RNF13: variants seen among roughly 807,000 people sequenced by gnomAD.
The protein encoded by RNF13 is ring finger protein 13, also known as E3 ubiquitin-protein ligase RNF13.
RNF13 carries 19 observed loss-of-function variants against 37.7 expected under a neutral mutation model. That is an observed-to-expected ratio of 0.50 (90% CI 0.35 to 0.74). RNF13 has a LOEUF of 0.74. RNF13 is among the 30% of genes least tolerant of loss of function. The pLI is 0.01. For synonymous variants in RNF13, 144 were observed against 157.8 expected, an observed-to-expected ratio of 0.91 and a Z score of 0.65; for missense variants, 375 against 453.0, an observed-to-expected ratio of 0.83 and a Z score of 1.56.
Position 149,903,965 on chromosome 3 carries a change from G to GTCTGTCTA in RNF13, c.500+1807_500+1814dup, listed in dbSNP as rs1386327167. Among the ~76,000 whole-genome samples the GTCTGTCTA allele has an allele frequency of 1.5e-3, 229 of 151,290 alleles. 2 individuals carry two copies. The highest frequency in any genetic ancestry group is 2.3e-3 in the Non-Finnish European group (159 of 67,898). The stretch of plus-strand genomic sequence containing the variant: ...TGTCTGTCTGTCTGTCTGTCTGTCT[G>GTCTGTCTA]TCTGTCTATCTATCTACCTACCTAC... On this transcript the variant is annotated intron_variant, in intron 6 of 9. Transcript: ENST00000392894.
chr3:149,866,088 T>A (rs1724793636), intron 3 of RNF13, among the ~76,000 whole-genome samples: 2 of 151,814 alleles, frequency 1.3e-5, no homozygotes, highest in Non-Finnish European at 1.5e-5. Flanking sequence ...TGTCATGACA[T>A]CTATAAACTG....
intron 8 of RNF13, among the ~76,000 whole-genome samples, chr3:149,949,081 A>G (rs761338037): frequency 1.3e-5 from 2 of 152,042 alleles, no homozygotes; most frequent in Non-Finnish European, 2.9e-5. Flanking sequence ...CACCTACATT[A>G]CAATAATACA....
chr3:149,907,550 T>G (rs1716551282), intron 6 of RNF13, among the ~76,000 whole-genome samples: 1 of 152,208 alleles, frequency 6.6e-6, no homozygotes, highest in Non-Finnish European at 1.5e-5. Context: ...AAGCATGACC[T>G]CTGGAGTAAG....
chr3:149,854,049 T>G (rs2108395216), intron 3 of RNF13, among the ~76,000 whole-genome samples: 1 of 152,010 alleles, frequency 6.6e-6, no homozygotes, highest in South Asian at 2.1e-4. Context: ...TTGCCCAGGC[T>G]GGTCTTGAAC....
chr3:149,845,450 C>T (rs55845389), intron 1 of RNF13, among the ~76,000 whole-genome samples: 4,556 of 151,942 alleles, frequency 0.03, 81 homozygotes, highest in South Asian at 0.036. Context: ...GCCATTCAGA[C>T]GTAGAGAGGG....
intron 2 of RNF13, among the ~76,000 whole-genome samples, chr3:149,847,225 T>A (rs955674395): frequency 3.3e-5 from 5 of 152,236 alleles, no homozygotes; most frequent in African/African-American, 1.2e-4. Context: ...TTTATCCAGA[T>A]GTAGCCCCAT....
At chr3:149,933,585 C>CTTTTTTTTTTTT (rs36076578) in intron 8 of RNF13, among the ~76,000 whole-genome samples, 2 of 134,686 alleles carry the variant, frequency 1.5e-5, no homozygotes, top group African/African-American at 2.7e-5. Context: ...TTTCTTTCTT[C>CTTTTTTTTTTTT]TTTTTTTTTT....
At chr3:149,890,218 T>C (rs1000714983) in intron 4 of RNF13, among the ~76,000 whole-genome samples, 1 of 152,202 alleles carries the variant, frequency 6.6e-6, no homozygotes, top group East Asian at 1.9e-4. Context: ...CATAAAAGCT[T>C]CTAAATCTTC....
At chr3:149,925,100 A>G (rs1240407583) in intron 8 of RNF13, among the ~76,000 whole-genome samples, 1 of 152,210 alleles carries the variant, frequency 6.6e-6, no homozygotes, top group African/African-American at 2.4e-5. Flanking sequence ...TTTTAAGAAC[A>G]GAGGTATAAA....
At chr3:149,864,741 A>G (rs1006638946) in intron 3 of RNF13, among the ~76,000 whole-genome samples, 4 of 152,206 alleles carry the variant, frequency 2.6e-5, no homozygotes, top group African/African-American at 9.7e-5. Flanking sequence ...CAATTATGCT[A>G]TTGTTATTGA....
chr3:149,813,982 A>G (rs1010349048), intron 1 of RNF13: 4 of 152,246 alleles, frequency 2.6e-5, no homozygotes, highest in African/African-American at 9.7e-5. Context: ...GGAAGCACTC[A>G]TGCAACTTTG....
intron 8 of RNF13, among the ~76,000 whole-genome samples, chr3:149,954,062 G>C (rs1237441810): frequency 2.6e-5 from 4 of 152,154 alleles, no homozygotes; most frequent in Non-Finnish European, 5.9e-5. Flanking sequence ...ATAACAGTAA[G>C]TTTGAGCTAG....
At chr3:149,843,835 C>A (rs560196705) in intron 1 of RNF13, among the ~76,000 whole-genome samples, 2 of 152,196 alleles carry the variant, frequency 1.3e-5, no homozygotes, top group African/African-American at 4.8e-5. Context: ...AAGTCTTCCC[C>A]ATTTGTGAAA....
chr3:149,853,106 T>C (rs1177212922), intron 3 of RNF13, among the ~76,000 whole-genome samples: 1 of 152,126 alleles, frequency 6.6e-6, no homozygotes, highest in Non-Finnish European at 1.5e-5. Flanking sequence ...GTATGGATTT[T>C]GAACATTGCT....
chr3:149,901,511 C>T (rs1001688735), intron 5 of RNF13, among the ~76,000 whole-genome samples: 1 of 152,082 alleles, frequency 6.6e-6, no homozygotes, highest in African/African-American at 2.4e-5. Context: ...TTGCCATGAG[C>T]GCCAGGCTTA....
chr3:149,834,305 A>C (rs1263361705), intron 1 of RNF13, among the ~76,000 whole-genome samples: 1 of 152,200 alleles, frequency 6.6e-6, no homozygotes, highest in Non-Finnish European at 1.5e-5. Context: ...AGCCAAAACA[A>C]AGTTGTAGGT....
At chr3:149,876,392 TG>T (rs1464908926) in intron 4 of RNF13, among the ~76,000 whole-genome samples, 1 of 152,206 alleles carries the variant, frequency 6.6e-6, no homozygotes, top group African/African-American at 2.4e-5. Flanking sequence ...TTTGTGGGCA[TG>T]AATGGAGGTA....
chr3:149,838,331 AG>A (rs1483469547), intron 1 of RNF13, among the ~76,000 whole-genome samples: 10 of 152,206 alleles, frequency 6.6e-5, no homozygotes, highest in Middle Eastern at 3.2e-3. Flanking sequence ...GTGGTGCCTC[AG>A]TAGGGACTCT....
intron 3 of RNF13, among the ~76,000 whole-genome samples, chr3:149,852,834 G>GT (rs1017635720): frequency 1.3e-5 from 2 of 151,534 alleles, no homozygotes; most frequent in African/African-American, 2.4e-5. Flanking sequence ...TTTCAGACCT[G>GT]TTTTTTTAGG....
Sources: gnomAD v4.1 joint callset for allele counts (sites outside exome capture counted in the v4.1 genomes callset) on GRCh38, gnomAD v4.1.1 for gene constraint, MANE v1.5 for transcripts, NCBI Gene and HGNC (gene_info 2026-07-23, HGNC 2026-07-21) for gene names.